Variants in SFXN4 observed in about 807,000 individuals in gnomAD.
SFXN4 encodes the protein sideroflexin 4.
In SFXN4, 48 loss-of-function variants were observed where a neutral mutation model predicts 54.6. The ratio of observed to expected loss-of-function variants is 0.88; its 90% confidence interval spans 0.70 to 1.12. The LOEUF (loss-of-function observed/expected upper bound fraction) is 1.12. Ranked by LOEUF, SFXN4 falls within the 50% of genes most tolerant of loss-of-function variation. The pLI is 0.00. For synonymous variants in SFXN4, 130 were observed against 145.5 expected (o/e 0.89, Z 0.77); for missense variants, 383 against 409.2 (o/e 0.94, Z 0.55).
chr10:119,154,569 T>C (rs1847202574), intron 11 of SFXN4, among the ~76,000 whole-genome samples: 1 of 152,118 alleles, frequency 6.6e-6, no homozygotes, highest in Non-Finnish European at 1.5e-5. Flanking sequence ...TGGTGGCTCA[T>C]GCCTGTAATC....
chr10:119,164,712 C>T (rs1236345410), intron 1 of SFXN4, among the ~76,000 whole-genome samples: 1 of 152,122 alleles, frequency 6.6e-6, no homozygotes, highest in Admixed American at 6.5e-5. Context: ...GTGGTTCTGG[C>T]TTTAAGCCTT....
chr10:119,154,567 C>T (rs2133600354), intron 11 of SFXN4, among the ~76,000 whole-genome samples: 1 of 152,288 alleles, frequency 6.6e-6, no homozygotes, highest in East Asian at 1.9e-4. Context: ...CATGGTGGCT[C>T]ATGCCTGTAA....
At position 119,155,124 on chromosome 10, in the gene SFXN4, C is replaced by T. The variant is rs1046157744; in HGVS notation, c.670G>A (p.Gly224Arg). Reference sequence around the variant, plus strand: ...CCTTCCTTGTCCATGACCGCAATCCCCTTAATGGATTCAAGACTTCGGGAC... The same window carrying T: ...CCTTCCTTGTCCATGACCGCAATCCTCTTAATGGATTCAAGACTTCGGGAC... ...YMSRSLESIK[G>R]IAVMDKEGNV... The change falls in exon 11 of 14, where the codon GGG becomes AGG. Residue 224 changes from glycine (G) to arginine (R), a missense_variant. Transcript: ENST00000355697. The T allele has an allele frequency of 1.2e-6, 2 of 1,614,206 alleles. No individual in the cohort carries two copies. The highest frequency in any genetic ancestry group is 2.7e-5 in the African/African-American group (2 of 75,066).
intron 5 of SFXN4, 21 bp from the exon 6 acceptor site, chr10:119,159,774 G>T (rs1191275523): frequency 6.2e-7 from 1 of 1,613,980 alleles, no homozygotes; most frequent in Non-Finnish European, 8.5e-7. Context: ...GAGAAGAGAG[G>T]AGGTGTCAGT....
chr10:119,148,965 C>T (rs1356971852), intron 11 of SFXN4, among the ~76,000 whole-genome samples: 1 of 152,130 alleles, frequency 6.6e-6, no homozygotes, highest in African/African-American at 2.4e-5. Context: ...CGGCTCACTG[C>T]AGTGTTGACC....
At position 119,146,464 on chromosome 10, in the gene SFXN4, C is replaced by CGCGCGCGCGCGCGCGT. The variant is rs1554885843; in HGVS notation, c.819-112_819-111insACGCGCGCGCGCGCGC. On this transcript the variant is annotated intron_variant, in intron 12 of 13. Transcript: ENST00000355697. ...GTGTGTGTGTGTGTGTGTGTGTGCA[C>CGCGCGCGCGCGCGCGT]GTGTGTGTGTACCTGAACACCTGGA... 1.3e-4 allele frequency: 64 copies of CGCGCGCGCGCGCGCGT among 488,558 alleles called. 1 individual carries two copies. In the Admixed American group the frequency reaches 1.8e-3, roughly 14 times the overall value. The allele number at this position is 488,558 out of a possible 1,614,324, so 30.3% of individuals were successfully genotyped here. A position where few individuals can be genotyped will look rare whatever the true frequency, so the allele number is the denominator to read the frequency against.
chr10:119,152,046 T>C (rs1043713134), intron 11 of SFXN4, among the ~76,000 whole-genome samples: 1 of 151,580 alleles, frequency 6.6e-6, no homozygotes, highest in East Asian at 2.0e-4. Flanking sequence ...CTCGCACTCA[T>C]GGACTCAAGC....
chr10:119,157,130 A>T (rs185019583), intron 9 of SFXN4, among the ~76,000 whole-genome samples: 10 of 152,170 alleles, frequency 6.6e-5, no homozygotes, highest in Non-Finnish European at 1.3e-4. Flanking sequence ...AACAATTTTT[A>T]AAAAGATAAC....
In SFXN4 at chr10:119,165,623, T is replaced by A. The variant is rs1002187343; in HGVS notation, c.25A>T (p.Thr9Ser). 1 of 1,592,066 alleles carries A rather than the reference T, an allele frequency of 6.3e-7. No homozygotes were observed. Among genetic ancestry groups the A allele is most frequent in the Non-Finnish European group, 8.5e-7 (1 of 1,171,352 alleles). ...CGTCCTAGGAGCCGCCCAGGTTGCGTTTCCTCCTCCTGTTCCAGGGACATT... is the reference window on the plus strand; with the variant it reads ...CGTCCTAGGAGCCGCCCAGGTTGCGATTCCTCCTCCTGTTCCAGGGACATT... MSLEQEEE[T>S]QPGRLLGRRD... Residue 9 changes from threonine to serine, a missense_variant, in exon 1 of 14, where the codon ACG becomes TCG. Transcript: ENST00000355697.
In SFXN4 at chr10:119,162,411, T is replaced by G. The variant is rs1847590755; in HGVS notation, c.181A>C (p.Ser61Arg). ...AATAGTTGCCTCGAGTTTTCTATAC[T>G]TTCCTAAAATCAGATATCAAGTAAT... is the stretch of plus-strand genomic sequence containing the variant. ...DPTNVFISVE[S>R]IENSRQLLCT... The change falls in exon 3 of 14, where the codon AGT becomes CGT. Residue 61 changes from serine (S) to arginine (R), a missense_variant. Transcript: ENST00000355697. 6.2e-7 allele frequency: 1 copy of G among 1,612,982 alleles called. No homozygotes were observed. The highest frequency in any genetic ancestry group is 1.3e-5 in the African/African-American group (1 of 74,886).
At chr10:119,157,274 A>G (rs1435291128) in intron 9 of SFXN4, among the ~76,000 whole-genome samples, 1 of 152,002 alleles carries the variant, frequency 6.6e-6, no homozygotes, top group Non-Finnish European at 1.5e-5. Context: ...ACTAAAAAAT[A>G]CAAAAAATTA....
intron 12 of SFXN4, 112 bp from the exon 13 acceptor site, chr10:119,146,465 G>A (rs1215895563): frequency 4.2e-6 from 2 of 476,684 alleles, no homozygotes; most frequent in South Asian, 3.0e-5. Context: ...GTGTGTGCAC[G>A]TGTGTGTGTA....
At chr10:119,149,441 G>C (rs997964823) in intron 11 of SFXN4, among the ~76,000 whole-genome samples, 21 of 152,124 alleles carry the variant, frequency 1.4e-4, no homozygotes, top group Non-Finnish European at 2.4e-4. Context: ...AAGCCGAGGA[G>C]GGCTGTTTTT....
intron 1 of SFXN4, among the ~76,000 whole-genome samples, chr10:119,164,530 C>T (rs76446411): frequency 0.013 from 1,977 of 152,210 alleles, 51 homozygotes; most frequent in East Asian, 0.082. Context: ...ATCTCACATA[C>T]GACCTCGAAG....
rs772872379 is a variant in SFXN4 at position 119,160,954 on chromosome 10, C to T, written c.295G>A (p.Asp99Asn). 9.9e-6 allele frequency: 16 copies of T among 1,614,082 alleles called. No individual in the cohort carries two copies. Among genetic ancestry groups the T allele is most frequent in the South Asian group, 6.6e-5 (6 of 91,060 alleles). ...AGCTTGGGGATCAGGTTGCTGCTGT[C>T]GGGATGCACTGTTGCCTTCAAAAGG... ...WKRSLATVHP[D>N]SSNLIPKLFR... Residue 99 changes from aspartate to asparagine, a missense_variant, in exon 5 of 14, where the codon GAC becomes AAC. Asp to Asn is a conservative substitution (Grantham distance 23). Transcript: ENST00000355697.
intron 6 of SFXN4, 127 bp downstream of exon 6, chr10:119,159,601 C>G: frequency 2.0e-6 from 2 of 991,382 alleles, no homozygotes; most frequent in South Asian, 2.7e-5. Context: ...CAGTGGGGAT[C>G]CACAACCATC....
Position 119,153,354 on chromosome 10 carries a change from AG to A in SFXN4, c.732+1707del, listed in dbSNP as rs902777093. ...TGAGCCTGGGAGGTTGAGGCTGTAG[AG>A]CCGTGATCACACCATTGCACTCCAG... On this transcript the variant is annotated intron_variant, in intron 11 of 13. Transcript: ENST00000355697. 7.4e-5 allele frequency among the ~76,000 whole-genome samples: 11 copies of A among 147,938 alleles called. No individual in the cohort carries two copies. The East Asian group carries it at 2.2e-3, about 30-fold the overall frequency.
rs923924951 is a variant in SFXN4 at position 119,162,521 on chromosome 10, T to C, written c.178-107A>G. ...TCACCAGCATGCACTGGACTTCGAC[T>C]GCATGCCTGATTTCAAGCCACATGG... On this transcript the variant is annotated intron_variant, in intron 2 of 13. Transcript: ENST00000355697. 1.5e-5 allele frequency: 13 copies of C among 842,076 alleles called. No individual in the cohort carries two copies. The Admixed American group carries it at 1.7e-4, about 11-fold the overall frequency. 52.2% of individuals were successfully genotyped at this position (842,076 alleles called of 1,614,324 possible).
intron 1 of SFXN4, 93 bp from the exon 2 acceptor site, chr10:119,164,289 A>G: frequency 1.6e-6 from 1 of 617,244 alleles, no homozygotes. Flanking sequence ...TTTTTCTGAG[A>G]ACCTGCCAGG....
Sources: allele counts gnomAD v4.1 joint callset (sites outside exome capture counted in the v4.1 genomes callset), GRCh38; gene constraint gnomAD v4.1.1; transcripts MANE v1.5; gene names NCBI Gene and HGNC (gene_info 2026-07-23, HGNC 2026-07-21).